CTNNA2: variants seen among roughly 807,000 people sequenced by gnomAD.
The protein encoded by CTNNA2 is catenin alpha-2.
CTNNA2 carries 42 observed loss-of-function variants against 101.0 expected under a neutral mutation model. That is an observed-to-expected ratio of 0.42 (90% confidence interval 0.32 to 0.54). The LOEUF (loss-of-function observed/expected upper bound fraction) is 0.54. Among genes scored for constraint, CTNNA2 ranks in the 20% least tolerant of loss-of-function variants. The probability of loss-of-function intolerance (pLI) is 0.14; values close to 1 mark genes in which losing one functional copy is unlikely to be tolerated. For missense variants in CTNNA2, 871 were observed against 1,223.1 expected (o/e 0.71, Z 4.29); for synonymous variants, 450 against 456.4 (o/e 0.99, Z 0.18).
intron 4 of CTNNA2, among the ~76,000 whole-genome samples, chr2:79,447,238 A>G (rs1317392337): frequency 1.3e-5 from 2 of 151,954 alleles, no homozygotes; most frequent in African/African-American, 2.4e-5. Context: ...TGTACTACCT[A>G]ATCTCTATAC....
At chr2:80,155,540 C>T (rs7564961) in intron 7 of CTNNA2, among the ~76,000 whole-genome samples, 21,214 of 152,092 alleles carry the variant, frequency 0.14, 3,726 homozygotes, top group African/African-American at 0.41. Flanking sequence ...TTCTTCATTT[C>T]CTTTCCTTTT....
At chr2:79,899,782 A>T (rs746642917) in intron 6 of CTNNA2, among the ~76,000 whole-genome samples, 1 of 152,238 alleles carries the variant, frequency 6.6e-6, no homozygotes, top group Non-Finnish European at 1.5e-5. Flanking sequence ...AATTAAGGCA[A>T]ATCTAAAATG....
At chr2:79,257,275 A>C (rs1027724940) in intron 2 of CTNNA2, among the ~76,000 whole-genome samples, 8 of 152,148 alleles carry the variant, frequency 5.3e-5, no homozygotes, top group African/African-American at 1.9e-4. Flanking sequence ...TGTTCTCCCT[A>C]TTCCACACCA....
chr2:80,033,621 A>G (rs1695451250), intron 7 of CTNNA2, among the ~76,000 whole-genome samples: 1 of 152,180 alleles, frequency 6.6e-6, no homozygotes, highest in South Asian at 2.1e-4. Flanking sequence ...TCGTAGAATC[A>G]GACACATTAG....
rs144645438 is a variant in CTNNA2, at chr2:80,123,172, C to G, written c.1056+213375C>G. On this transcript the variant is annotated intron_variant, in intron 7 of 18. Transcript: ENST00000402739. ...ATTCACTGGCTGATTTCATTAAGCC[C>G]TTTAGAAGCCAGTCGTTGGGCTTTG... Among the ~76,000 whole-genome samples, 522 of 152,250 alleles carry G rather than the reference C, an allele frequency of 3.4e-3. 2 individuals carry two copies. Among genetic ancestry groups the G allele is most frequent in the African/African-American group, 0.011 (470 of 41,546 alleles).
intron 7 of CTNNA2, among the ~76,000 whole-genome samples, chr2:80,118,514 G>A (rs1358533583): frequency 1.3e-5 from 2 of 152,184 alleles, no homozygotes; most frequent in Non-Finnish European, 2.9e-5. Flanking sequence ...GCAGGTATCA[G>A]CACACAAACG....
intron 7 of CTNNA2, among the ~76,000 whole-genome samples, chr2:80,171,394 A>C (rs1037502723): frequency 6.6e-6 from 1 of 152,254 alleles, no homozygotes; most frequent in Non-Finnish European, 1.5e-5. Flanking sequence ...CTGGCAGGCC[A>C]AGGCTTAGAA....
intron 9 of CTNNA2, among the ~76,000 whole-genome samples, chr2:80,490,796 T>A (rs929219658): frequency 6.6e-6 from 1 of 152,208 alleles, no homozygotes; most frequent in Non-Finnish European, 1.5e-5. Flanking sequence ...ACCTGATTTG[T>A]CAGAGAAGTG....
At chr2:80,352,897 G>T (rs1264503943) in intron 7 of CTNNA2, among the ~76,000 whole-genome samples, 1 of 151,416 alleles carries the variant, frequency 6.6e-6, no homozygotes, top group Non-Finnish European at 1.5e-5. Context: ...CATGAATTAT[G>T]TCAGATCAAG....
At chr2:79,559,606 T>C (rs1271177979) in intron 1 of CTNNA2, among the ~76,000 whole-genome samples, 2 of 151,964 alleles carry the variant, frequency 1.3e-5, no homozygotes, top group Non-Finnish European at 2.9e-5. Flanking sequence ...AAGATGGTGA[T>C]ATCATCAGTG....
At chr2:79,266,859 T>C (rs1174682024) in intron 2 of CTNNA2, among the ~76,000 whole-genome samples, 1 of 152,106 alleles carries the variant, frequency 6.6e-6, no homozygotes, top group South Asian at 2.1e-4. Context: ...TGTATTTTCA[T>C]GTATTTCATG....
intron 7 of CTNNA2, among the ~76,000 whole-genome samples, chr2:80,260,395 C>A (rs1002032361): frequency 6.6e-6 from 1 of 152,172 alleles, no homozygotes; most frequent in Non-Finnish European, 1.5e-5. Flanking sequence ...AAAAATATCT[C>A]ATTTACTGGT....
chr2:79,478,667 C>A (rs138527727), intron 4 of CTNNA2, among the ~76,000 whole-genome samples: 176 of 152,232 alleles, frequency 1.2e-3, no homozygotes, highest in Middle Eastern at 3.4e-3. Flanking sequence ...TTAGGAGATA[C>A]CCTTTGGCCA....
intron 7 of CTNNA2, among the ~76,000 whole-genome samples, chr2:80,263,084 C>T (rs1672740575): frequency 6.6e-6 from 1 of 151,978 alleles, no homozygotes; most frequent in Non-Finnish European, 1.5e-5. Flanking sequence ...TGTGATGGGG[C>T]ATGGGGGGTA....
chr2:79,774,908 G>C (rs1673851025), intron 3 of CTNNA2, among the ~76,000 whole-genome samples: 1 of 152,178 alleles, frequency 6.6e-6, no homozygotes, highest in Non-Finnish European at 1.5e-5. Context: ...TAACTTTAGA[G>C]GATGAATTGT....
chr2:80,155,961 A>T (rs375962067), intron 7 of CTNNA2, among the ~76,000 whole-genome samples: 46 of 152,268 alleles, frequency 3.0e-4, no homozygotes, highest in Admixed American at 1.6e-3. Flanking sequence ...CTAGGCCACT[A>T]TTGCCCAGAT....
chr2:79,731,657 T>C (rs1687202597), intron 2 of CTNNA2, among the ~76,000 whole-genome samples: 1 of 152,006 alleles, frequency 6.6e-6, no homozygotes, highest in Non-Finnish European at 1.5e-5. Flanking sequence ...TAGTGGAGGC[T>C]TGGTAAGGAT....
intron 7 of CTNNA2, among the ~76,000 whole-genome samples, chr2:80,164,801 G>A (rs1376038313): frequency 6.6e-6 from 1 of 151,862 alleles, no homozygotes; most frequent in Non-Finnish European, 1.5e-5. Flanking sequence ...CCTCCTTAAA[G>A]AATATTTTCA....
chr2:80,392,169 A>G (rs1677577047), intron 7 of CTNNA2, among the ~76,000 whole-genome samples: 1 of 152,208 alleles, frequency 6.6e-6, no homozygotes, highest in African/African-American at 2.4e-5. Flanking sequence ...TTGCCAAATC[A>G]TGTTATCCCA....
Sources: gnomAD v4.1 joint callset for allele counts (sites outside exome capture counted in the v4.1 genomes callset) on GRCh38, gnomAD v4.1.1 for gene constraint, MANE v1.5 for transcripts, NCBI Gene and HGNC (gene_info 2026-07-23, HGNC 2026-07-21) for gene names.